Variants in PLCB3 observed in about 807,000 individuals in gnomAD.
The protein encoded by PLCB3 is 1-phosphatidylinositol 4,5-bisphosphate phosphodiesterase beta-3.
Under a neutral mutation model 152.1 loss-of-function variants are expected in PLCB3, and 54 were observed. That is an observed-to-expected ratio of 0.36 (90% CI 0.29 to 0.45). PLCB3 has a LOEUF of 0.45. PLCB3 is among the 20% of genes least tolerant of loss of function. The pLI, the probability that PLCB3 is intolerant of heterozygous loss-of-function variation, is 1.00. For synonymous variants in PLCB3, 717 were observed against 698.7 expected (o/e 1.03, Z -0.41); for missense variants, 1,248 against 1,687.5 (o/e 0.74, Z 4.56).
intron 19 of PLCB3, 166 bp from the exon 20 acceptor site, chr11:64,263,332 G>A (rs1413972594): frequency 1.7e-6 from 1 of 594,258 alleles, no homozygotes; most frequent in Non-Finnish European, 3.0e-6. Flanking sequence ...CCAGGACATG[G>A]AAGTGGGGTC....
intron 25 of PLCB3, 84 bp downstream of exon 25, chr11:64,265,586 A>T: frequency 6.7e-7 from 1 of 1,484,234 alleles, no homozygotes; most frequent in Non-Finnish European, 9.0e-7. Flanking sequence ...AGAGATGGCA[A>T]GAGCTGCTCC....
chr11:64,263,809 G>A lies in PLCB3; in HGVS notation c.2560+14G>A, dbSNP rs756374850. 1.2e-6 allele frequency: 2 copies of A among 1,601,190 alleles called. No homozygotes were observed. Among genetic ancestry groups the A allele is most frequent in the African/African-American group, 1.3e-5 (1 of 74,814 alleles). On this transcript the variant is annotated intron_variant, in intron 21 of 30. Coordinates refer to ENST00000279230, the MANE Select transcript of PLCB3 (RefSeq NM_000932.5). ...ACGACCACCAGGGTGAGCTGGGGGT[G>A]GGCGGGGCCTGCCTGGCCAGGGAGT... is the stretch of plus-strand genomic sequence containing the variant.
chr11:64,255,649 T>C lies in PLCB3; in HGVS notation c.597+33T>C. The C allele has an allele frequency of 1.9e-6, 3 of 1,595,248 alleles. No individual in the cohort carries two copies. The Admixed American group carries it at 5.1e-5, about 27-fold the overall frequency. On this transcript the variant is annotated intron_variant, in intron 7 of 30. Transcript: ENST00000279230. The surrounding 1 kb of genome is among the most constrained non-coding windows in gnomAD (Gnocchi z 6.8). ...GGGTGGGGACAGGGGCGGGGTGGGG[T>C]GTCACGGTGGGCACCCACCCTTACG...
Position 64,263,703 on chromosome 11 carries a change from T to C in PLCB3, c.2468T>C (p.Val823Ala), listed in dbSNP as rs2031970232. ...VSAIRSGYHYVCLRNEANQPL... is the reference protein window; with the variant it reads ...VSAIRSGYHYACLRNEANQPL... ...CCTGACCACCCAGGATACCACTACG[T>C]CTGCCTGCGGAACGAGGCCAACCAA... Residue 823 changes from valine (V) to alanine (A), a missense_variant, in exon 21 of 31, where the codon GTC (valine) becomes GCC (alanine). Physicochemically the swap from Val to Ala is moderately conservative, Grantham distance 64 (BLOSUM62 0). This residue lies in a region of PLCB3 where 244 missense variants were observed against 424.4 expected (regional missense o/e 0.57). Coordinates refer to ENST00000279230, the MANE Select transcript of PLCB3 (RefSeq NM_000932.5). 6.2e-7 allele frequency: 1 copy of C among 1,613,364 alleles called. No individual in the cohort carries two copies. The highest frequency in any genetic ancestry group is 8.5e-7 in the Non-Finnish European group (1 of 1,179,924).
At chr11:64,253,793 A>G (rs546578686) in intron 1 of PLCB3, among the ~76,000 whole-genome samples, 2 of 152,312 alleles carry the variant, frequency 1.3e-5, no homozygotes, top group Admixed American at 1.3e-4. Flanking sequence ...TCCTGAGAGT[A>G]GGGCAAGTCC....
intron 22 of PLCB3, 147 bp downstream of exon 22, chr11:64,264,259 C>A (rs1178129518): frequency 1.9e-6 from 1 of 533,404 alleles, no homozygotes; most frequent in Non-Finnish European, 3.2e-6. Flanking sequence ...TGAAAACCAC[C>A]CATTTGCATT....
rs1565330953 is a variant in PLCB3, at chr11:64,256,599, T to C, written c.866-19T>C. The C allele has an allele frequency of 1.2e-6, 2 of 1,613,758 alleles. No individual in the cohort carries two copies. Among genetic ancestry groups the C allele is most frequent in the Non-Finnish European group, 1.7e-6 (2 of 1,179,782 alleles). Reference sequence around the variant, plus strand: ...CAGGTGGGACCCCAGCTGACCCTGCTGATCCTCTCCCACCCCAGACCAGAT... The same window carrying C: ...CAGGTGGGACCCCAGCTGACCCTGCCGATCCTCTCCCACCCCAGACCAGAT... On this transcript the variant is annotated intron_variant, in intron 9 of 30. Transcript: ENST00000279230.
chr11:64,251,643 C>A lies in PLCB3; in HGVS notation c.-7C>A. 1 of 1,446,974 alleles carries A rather than the reference C, an allele frequency of 6.9e-7. No homozygotes were observed. The highest frequency in any genetic ancestry group is 9.1e-7 in the Non-Finnish European group (1 of 1,092,926). The allele number at this position is 1,446,974 out of a possible 1,614,324, so 89.6% of individuals were successfully genotyped here. ...CCGTGGGTCCCCGACCCGCCCCTGG[C>A]CGGGCCATGGCGGGCGCCCAGCCCG... On this transcript the variant is annotated 5_prime_UTR_variant, in exon 1 of 31. Coordinates refer to ENST00000279230, the MANE Select transcript of PLCB3 (RefSeq NM_000932.5).
In PLCB3 at chr11:64,255,172, T is replaced by C; in HGVS notation, c.388-62T>C. The C allele has an allele frequency of 3.3e-6, 5 of 1,533,014 alleles. No homozygotes were observed. The highest frequency in any genetic ancestry group is 3.6e-6 in the Non-Finnish European group (4 of 1,107,888). The allele number at this position is 1,533,014 out of a possible 1,614,324, so 95.0% of individuals were successfully genotyped here. A position where few individuals can be genotyped will look rare whatever the true frequency, so the allele number is the denominator to read the frequency against. On this transcript the variant is annotated intron_variant, in intron 4 of 30. Coordinates refer to ENST00000279230, the MANE Select transcript of PLCB3 (RefSeq NM_000932.5). The surrounding 1 kb of genome is among the most constrained non-coding windows in gnomAD (Gnocchi z 6.8). ...TACCAGAGGCAGTTGTGGACCTGGG[T>C]TGTGGCTGGGCAGCCCCTGTGTCCC...
rs1384810363 is a variant in PLCB3 at position 64,258,927 on chromosome 11, C to T, written c.1296C>T (p.Ile432=). The T allele has an allele frequency of 6.2e-7, 1 of 1,613,874 alleles. No homozygotes were observed. The highest frequency in any genetic ancestry group is 8.5e-7 in the Non-Finnish European group (1 of 1,180,008). ...QAKMAEYCRS[I]FGDALLIEPL... ...AGATGGCTGAGTACTGCCGCTCCAT[C>T]TTTGGAGACGCGCTACTCATCGAGC... Residue 432 remains isoleucine (I), a synonymous_variant, in exon 12 of 31, where the codon ATC becomes ATT. Coordinates refer to ENST00000279230, the MANE Select transcript of PLCB3 (RefSeq NM_000932.5). This position sits in a 1 kb window ranked among gnomAD's most constrained non-coding sequence, Gnocchi z 7.2.
intron 25 of PLCB3, 43 bp from the exon 26 acceptor site, chr11:64,265,843 A>T (rs375129434): frequency 3.8e-5 from 60 of 1,598,952 alleles, no homozygotes; most frequent in African/African-American, 2.4e-4. Context: ...ATCCCAGTCC[A>T]TGTGACGGGC....
intron 20 of PLCB3, 23 bp from the exon 21 acceptor site, chr11:64,263,668 A>C (rs754654432): frequency 7.5e-6 from 12 of 1,610,110 alleles, no homozygotes; most frequent in Admixed American, 6.7e-5. Context: ...CAGCAACCCA[A>C]CGTTGCCTTC....
rs2031407550 is a variant in PLCB3, at chr11:64,254,468, C to T, written c.153C>T (p.Phe51=). 3 of 1,613,974 alleles carry T rather than the reference C, an allele frequency of 1.9e-6. No individual in the cohort carries two copies. Among genetic ancestry groups the T allele is most frequent in the African/African-American group, 2.7e-5 (2 of 75,050 alleles). Residue 51 remains phenylalanine, a synonymous_variant, in exon 2 of 31, where the codon TTC becomes TTT. Coordinates refer to ENST00000279230, the MANE Select transcript of PLCB3 (RefSeq NM_000932.5). ...VTLRVDPNGF[F]LYWTGPNMEV... ...TGCGTGTGGACCCCAATGGCTTCTT[C>T]TTGTACTGGACGGGCCCCAACATGG...
intron 10 of PLCB3, among the ~76,000 whole-genome samples, chr11:64,257,274 G>A (rs923332351): frequency 6.6e-6 from 1 of 152,148 alleles, no homozygotes; most frequent in African/African-American, 2.4e-5. Context: ...AAAGTGCTGG[G>A]ATTATAGGCA....
At chr11:64,263,390 C>T (rs536417674) in intron 19 of PLCB3, 108 bp from the exon 20 acceptor site, 2 of 673,662 alleles carry the variant, frequency 3.0e-6, no homozygotes, top group African/African-American at 1.8e-5. Flanking sequence ...TAGGTCAGCT[C>T]GTCTGAAGGT....
At chr11:64,256,322 C>T (rs1005046409) in intron 8 of PLCB3, 54 bp from the exon 9 acceptor site, 35 of 1,553,234 alleles carry the variant, frequency 2.3e-5, no homozygotes, top group Middle Eastern at 1.9e-4. Context: ...GGCTTGGCGA[C>T]GGGGTGGGAG....
chr11:64,265,896 G>A lies in PLCB3; in HGVS notation c.3046G>A (p.Ala1016Thr), dbSNP rs772383000. Reference sequence around the variant, plus strand: ...GGGTTCTCCTCGCAGAGGTGGGGCCGCTGATGTGGAGGACACGAAGGAGGG... The same window carrying A: ...GGGTTCTCCTCGCAGAGGTGGGGCCACTGATGTGGAGGACACGAAGGAGGG... ...RLRPGALGGA[A>T]DVEDTKEGED... Residue 1016 changes from alanine (A) to threonine (T), a missense_variant, in exon 26 of 31, where the codon GCT (alanine) becomes ACT (threonine). Physicochemically the swap from Ala to Thr is moderately conservative, Grantham distance 58 (BLOSUM62 0). Around this residue, in one of 6 missense-constraint regions of PLCB3, gnomAD observed 477 missense variants for 489.6 expected, o/e 0.97. Coordinates refer to ENST00000279230, the MANE Select transcript of PLCB3 (RefSeq NM_000932.5). 1.3e-5 allele frequency: 21 copies of A among 1,612,586 alleles called. 1 individual carries two copies. In the East Asian group the frequency reaches 2.2e-4, roughly 17 times the overall value.
chr11:64,256,852 C>G, intron 10 of PLCB3, 88 bp downstream of exon 10: 6 of 1,442,060 alleles, frequency 4.2e-6, no homozygotes, highest in Non-Finnish European at 5.7e-6. Context: ...TCCTTTTGGC[C>G]CATTTGCTCA....
intron 22 of PLCB3, 108 bp downstream of exon 22, chr11:64,264,220 G>A (rs910224190): frequency 2.1e-5 from 14 of 675,510 alleles, no homozygotes; most frequent in Middle Eastern, 3.1e-4. Flanking sequence ...TAGCGCAGTA[G>A]GCTTGGCAGC....
Sources: allele counts gnomAD v4.1 joint callset (sites outside exome capture counted in the v4.1 genomes callset), GRCh38; gene constraint gnomAD v4.1.1; regional missense constraint gnomAD v4.1.1; non-coding constraint Gnocchi (gnomAD v3.1); transcripts MANE v1.5; gene names NCBI Gene and HGNC (gene_info 2026-07-23, HGNC 2026-07-21).